R3HDM1: variants seen among roughly 807,000 people sequenced by gnomAD.
The protein encoded by R3HDM1 is R3H domain containing 1, also known as R3H domain-containing protein 1.
A neutral mutation model predicts 141.1 loss-of-function variants in R3HDM1; 46 were observed. The ratio of observed to expected loss-of-function variants is 0.33; its 90% CI spans 0.26 to 0.42. R3HDM1 has a LOEUF of 0.42. Among genes scored for constraint, R3HDM1 ranks in the 10% least tolerant of loss-of-function variants. The pLI is 1.00. For missense variants in R3HDM1, 1,184 were observed against 1,368.3 expected (o/e 0.87, Z 2.12); for synonymous variants, 435 against 472.9 (o/e 0.92, Z 1.04).
intron 1 of R3HDM1, chr2:135,576,942 A>G: frequency 3.8e-6 from 1 of 263,138 alleles, no homozygotes; most frequent in Non-Finnish European, 5.9e-6. Flanking sequence ...TGGCTACACA[A>G]CTGTATGAAT....
rs1694681303 is a variant in R3HDM1 at position 135,531,559 on chromosome 2, T to G, written c.-324T>G. The G allele has an allele frequency of 9.1e-6, 9 of 986,162 alleles. No individual in the cohort carries two copies. The highest frequency in any genetic ancestry group is 1.1e-5 in the Non-Finnish European group (9 of 830,274). The allele number at this position is 986,162 out of a possible 1,614,324, so 61.1% of individuals were successfully genotyped here. ...GGTTAATTCCCTTTCGTAAGACTCT[T>G]ACTTGCACCCACCCAGCCCCGCCGT... On this transcript the variant is annotated 5_prime_UTR_variant, in exon 1 of 27. Transcript: ENST00000683871.
chr2:135,634,817 G>A (rs1243553411), intron 9 of R3HDM1, among the ~76,000 whole-genome samples: 1 of 152,142 alleles, frequency 6.6e-6, no homozygotes, highest in African/African-American at 2.4e-5. Context: ...TTTCTCTAAA[G>A]CCATTTAATA....
chr2:135,668,933 T>C (rs1341953306), intron 19 of R3HDM1: 5 of 195,278 alleles, frequency 2.6e-5, no homozygotes, highest in Non-Finnish European at 4.6e-5. Context: ...AAAGGGAACA[T>C]TGGAGATTCA....
At chr2:135,702,809 CAA>C (rs1559475691) in intron 21 of R3HDM1, among the ~76,000 whole-genome samples, 1 of 151,050 alleles carries the variant, frequency 6.6e-6, no homozygotes, top group Non-Finnish European at 1.5e-5. Flanking sequence ...ACTCCTGACT[CAA>C]AAAAAAGAAA....
intron 1 of R3HDM1, among the ~76,000 whole-genome samples, chr2:135,596,686 G>A (rs1389862564): frequency 2.6e-5 from 4 of 151,870 alleles, no homozygotes; most frequent in East Asian, 1.9e-4. Context: ...ATTCTTCTTT[G>A]GACTTATATT....
At chr2:135,699,053 TA>T (rs1373458246) in intron 21 of R3HDM1, among the ~76,000 whole-genome samples, 3,553 of 137,310 alleles carry the variant, frequency 0.026, 147 homozygotes, top group African/African-American at 0.056. Flanking sequence ...ATAAGATAGA[TA>T]AGATAGATTG....
At chr2:135,675,994 A>G (rs1278852619) in intron 20 of R3HDM1, among the ~76,000 whole-genome samples, 1 of 152,180 alleles carries the variant, frequency 6.6e-6, no homozygotes, top group Non-Finnish European at 1.5e-5. Flanking sequence ...CTTCCTCTCC[A>G]TCCCAAAAAG....
chr2:135,561,245 A>T (rs565326051), intron 1 of R3HDM1: 3 of 952,564 alleles, frequency 3.1e-6, no homozygotes, highest in Non-Finnish European at 3.7e-6. Flanking sequence ...TTTGTAACAA[A>T]TTTTTCTCTT....
chr2:135,713,290 A>C (rs1021664677), intron 23 of R3HDM1, among the ~76,000 whole-genome samples: 5 of 152,222 alleles, frequency 3.3e-5, no homozygotes, highest in African/African-American at 7.2e-5. Context: ...ATATAAAACT[A>C]CTTTTCATCT....
chr2:135,630,287 AAAAAAAAAAAAAAAAAAAAAAC>A (rs1314083783), intron 7 of R3HDM1, among the ~76,000 whole-genome samples: 2 of 142,272 alleles, frequency 1.4e-5, no homozygotes, highest in East Asian at 2.0e-4. Context: ...CAACCAAAAA[AAAAAAAAAAAAAAAAAAAAAAC>A]AAAAAAAAAA....
intron 1 of R3HDM1, among the ~76,000 whole-genome samples, chr2:135,564,768 A>T (rs1020363868): frequency 6.6e-6 from 1 of 152,252 alleles, no homozygotes; most frequent in African/African-American, 2.4e-5. Context: ...AGGACAAAAT[A>T]CAGATAAGCA....
At chr2:135,661,473 A>G (rs1302153464) in intron 19 of R3HDM1, 80 bp downstream of exon 19, 23 of 1,506,590 alleles carry the variant, frequency 1.5e-5, no homozygotes, top group Non-Finnish European at 2.1e-5. Flanking sequence ...TTAAGATAGT[A>G]CCTACTCAGT....
chr2:135,704,655 G>T (rs2074665734), intron 21 of R3HDM1, among the ~76,000 whole-genome samples: 1 of 151,652 alleles, frequency 6.6e-6, no homozygotes, highest in South Asian at 2.1e-4. Context: ...ATTTTTAGCA[G>T]AGATAGGGTT....
intron 20 of R3HDM1, 94 bp downstream of exon 20, chr2:135,675,580 C>T: frequency 8.0e-7 from 1 of 1,256,442 alleles, no homozygotes; most frequent in Non-Finnish European, 1.1e-6. Context: ...CCTTTTAATA[C>T]AGGAAAAACA....
intron 21 of R3HDM1, among the ~76,000 whole-genome samples, chr2:135,680,556 G>C (rs952923591): frequency 1.4e-4 from 22 of 152,210 alleles, no homozygotes; most frequent in African/African-American, 5.1e-4. Context: ...GATCACCTGA[G>C]GTCAGGCATT....
rs759815433 is a variant in R3HDM1 at position 135,710,220 on chromosome 2, A to C, written c.2725A>C (p.Asn909His). The change falls in exon 23 of 27, where the codon AAT (asparagine) becomes CAT (histidine). Residue 909 changes from asparagine to histidine, a missense_variant. Physicochemically the swap from Asn to His is moderately conservative, Grantham distance 68. Coordinates refer to ENST00000683871, the MANE Select transcript of R3HDM1 (RefSeq NM_001378107.1). ...QKCVEFSSVD[N>H]IVQHSPQLSS... ...GTGTGTAGAATTTAGCAGTGTAGAC[A>C]ATATTGTCCAGGTAAGATGGTTTTG... 6.2e-7 allele frequency: 1 copy of C among 1,613,064 alleles called. No homozygotes were observed. Among genetic ancestry groups the C allele is most frequent in the Non-Finnish European group, 8.5e-7 (1 of 1,179,476 alleles).
At chr2:135,648,894 C>T (rs560947378) in intron 16 of R3HDM1, among the ~76,000 whole-genome samples, 22 of 149,936 alleles carry the variant, frequency 1.5e-4, no homozygotes, top group Non-Finnish European at 8.8e-5. Context: ...ACTAGTTTCT[C>T]AGCTCCTAAC....
intron 1 of R3HDM1, among the ~76,000 whole-genome samples, chr2:135,601,781 A>G (rs1333913072): frequency 6.6e-6 from 1 of 151,940 alleles, no homozygotes; most frequent in East Asian, 1.9e-4. Context: ...TCCCACCTCA[A>G]CCTCGCAAGT....
At chr2:135,559,264 A>G (rs1192853296) in intron 1 of R3HDM1, 1 of 155,002 alleles carries the variant, frequency 6.5e-6, no homozygotes, top group Non-Finnish European at 1.4e-5. Flanking sequence ...GGCACATGCC[A>G]CCACATCCAG....
Sources: gnomAD v4.1 joint callset for allele counts (sites outside exome capture counted in the v4.1 genomes callset) on GRCh38, gnomAD v4.1.1 for gene constraint, MANE v1.5 for transcripts, NCBI Gene and HGNC (gene_info 2026-07-23, HGNC 2026-07-21) for gene names.